The following CEP63 variants were observed in gnomAD, a reference collection of about 807,000 sequenced individuals.
The protein encoded by CEP63 is centrosomal protein 63.
A neutral mutation model predicts 89.1 loss-of-function variants in CEP63; 84 were observed. The ratio of observed to expected loss-of-function variants is 0.94; its 90% CI spans 0.79 to 1.13. The LOEUF is 1.13. Among genes scored for constraint, CEP63 ranks in the 50% most tolerant of loss-of-function variants. The pLI is 0.00. For synonymous variants in CEP63, 267 were observed against 272.5 expected (o/e 0.98, Z 0.20); for missense variants, 838 against 813.3 (o/e 1.03, Z -0.37).
chr3:134,733,947 A>G, the CEP63 span, among the ~76,000 whole-genome samples: 1 of 152,200 alleles, frequency 6.6e-6, no homozygotes, highest in African/African-American at 2.4e-5. Flanking sequence ...ATGGGGAAAA[A>G]CTAGAGGCAT....
At chr3:134,542,023 G>A (rs114157018) in intron 6 of CEP63, among the ~76,000 whole-genome samples, 2,053 of 151,918 alleles carry the variant, frequency 0.014, 40 homozygotes, top group African/African-American at 0.046. Context: ...ATAATGCAAA[G>A]GAAATGTTCA....
Position 134,522,397 on chromosome 3 carries a change from TGAAA to T in CEP63, c.223-9444_223-9441del, listed in dbSNP as rs368217534. Among the ~76,000 whole-genome samples the T allele has an allele frequency of 4.8e-3, 729 of 152,264 alleles. 7 individuals carry two copies. The highest frequency in any genetic ancestry group is 0.017 in the African/African-American group (690 of 41,548). On this transcript the variant is annotated intron_variant, in intron 3 of 14. Transcript: ENST00000675561. Reference sequence around the variant, plus strand: ...TCACAAGGGATATAGGTGATTCTAGTGAAAGAAGAGAGCCAAATGAGAGTGATTG... The same window carrying T: ...TCACAAGGGATATAGGTGATTCTAGTGAAGAGAGCCAAATGAGAGTGATTG...
chr3:134,542,498 G>T (rs1345698888), intron 6 of CEP63, among the ~76,000 whole-genome samples: 3 of 152,166 alleles, frequency 2.0e-5, no homozygotes, highest in Non-Finnish European at 2.9e-5. Context: ...GCCTGCACTG[G>T]CGCATTTGGA....
chr3:134,742,568 T>C, the CEP63 span, among the ~76,000 whole-genome samples: 1 of 152,340 alleles, frequency 6.6e-6, no homozygotes, highest in South Asian at 2.1e-4. Flanking sequence ...CATGAGTAAC[T>C]GTAGACTGTG....
chr3:134,674,511 C>T, the CEP63 span, among the ~76,000 whole-genome samples: 1 of 152,170 alleles, frequency 6.6e-6, no homozygotes, highest in Non-Finnish European at 1.5e-5. Context: ...TGAAAGCCTT[C>T]CCCCTAACAT....
At chr3:134,779,959 A>G in the CEP63 span, 1 of 152,228 alleles carries the variant, frequency 6.6e-6, no homozygotes, top group Non-Finnish European at 1.5e-5. Context: ...ATTAATACAT[A>G]AAGAAGCACA....
At chr3:134,632,847 T>C in the CEP63 span, among the ~76,000 whole-genome samples, 1 of 151,918 alleles carries the variant, frequency 6.6e-6, no homozygotes, top group African/African-American at 2.4e-5. Flanking sequence ...TTGATGAACT[T>C]CTAGCTAGAA....
chr3:134,670,585 T>A, the CEP63 span, among the ~76,000 whole-genome samples: 1 of 152,206 alleles, frequency 6.6e-6, no homozygotes, highest in Non-Finnish European at 1.5e-5. Flanking sequence ...GACAGTGAAG[T>A]CTGATGACAC....
the CEP63 span, among the ~76,000 whole-genome samples, chr3:134,739,493 C>T: frequency 8.5e-5 from 13 of 152,122 alleles, no homozygotes; most frequent in Non-Finnish European, 1.5e-4. Flanking sequence ...TAATAGCAAA[C>T]ACCTGGAAAC....
chr3:134,633,338 C>T, the CEP63 span, among the ~76,000 whole-genome samples: 1 of 151,982 alleles, frequency 6.6e-6, no homozygotes, highest in Non-Finnish European at 1.5e-5. Flanking sequence ...TAAATGTAAA[C>T]ACAAAAATCT....
At chr3:134,522,148 C>G (rs1003534029) in intron 3 of CEP63, among the ~76,000 whole-genome samples, 1 of 152,160 alleles carries the variant, frequency 6.6e-6, no homozygotes, top group Admixed American at 6.6e-5. Context: ...GTCTTAAAAA[C>G]ATTTTACTTC....
the CEP63 span, chr3:134,643,355 G>A: frequency 1.9e-5 from 31 of 1,613,738 alleles, no homozygotes; most frequent in African/African-American, 2.7e-5. Flanking sequence ...GGCTGCTGAG[G>A]GTGCTGCTTC....
the CEP63 span, among the ~76,000 whole-genome samples, chr3:134,780,330 A>G: frequency 3.3e-5 from 5 of 152,340 alleles, no homozygotes; most frequent in Admixed American, 6.5e-5. Flanking sequence ...ATGCTATGCA[A>G]TCATCACCAG....
chr3:134,541,990 AG>A (rs1362940193), intron 6 of CEP63, among the ~76,000 whole-genome samples: 1 of 152,208 alleles, frequency 6.6e-6, no homozygotes, highest in African/African-American at 2.4e-5. Context: ...TCTGTTTAGA[AG>A]GCTACTTTTT....
chr3:134,650,912 T>C, the CEP63 span: 4 of 1,613,206 alleles, frequency 2.5e-6, no homozygotes, highest in Non-Finnish European at 3.4e-6. Flanking sequence ...GAGTGCACGA[T>C]CAGCAGCATG....
chr3:134,527,534 A>G (rs1470027625), intron 3 of CEP63, among the ~76,000 whole-genome samples: 1 of 152,146 alleles, frequency 6.6e-6, no homozygotes, highest in Non-Finnish European at 1.5e-5. Flanking sequence ...CAAGGTGGAT[A>G]CATGTACACT....
chr3:134,646,210 C>G, the CEP63 span, among the ~76,000 whole-genome samples: 1 of 152,174 alleles, frequency 6.6e-6, no homozygotes, highest in Non-Finnish European at 1.5e-5. Flanking sequence ...TTAGCTTTGG[C>G]GTCTACTTCA....
chr3:134,713,976 G>A, the CEP63 span, among the ~76,000 whole-genome samples: 4 of 152,210 alleles, frequency 2.6e-5, no homozygotes, highest in Non-Finnish European at 5.9e-5. Flanking sequence ...GCTGTGTGCT[G>A]AGCCACAGCA....
chr3:134,493,459 G>A (rs1180530313), intron 1 of CEP63, among the ~76,000 whole-genome samples: 2 of 151,812 alleles, frequency 1.3e-5, no homozygotes, highest in Non-Finnish European at 2.9e-5. Flanking sequence ...ATTTGAAAGT[G>A]GAGTAAAACA....
Sources: allele counts gnomAD v4.1 joint callset (sites outside exome capture counted in the v4.1 genomes callset), GRCh38; gene constraint gnomAD v4.1.1; transcripts MANE v1.5; gene names NCBI Gene and HGNC (gene_info 2026-07-23, HGNC 2026-07-21).